FSTL5: variants seen among roughly 807,000 people sequenced by gnomAD.
FSTL5 encodes the protein follistatin like 5, also known as follistatin-related protein 5.
FSTL5 carries 62 observed loss-of-function variants against 89.1 expected under a neutral mutation model. That is an observed-to-expected ratio of 0.70 (90% CI 0.57 to 0.86). FSTL5 has a LOEUF of 0.86. Ranked by LOEUF, FSTL5 falls within the 40% of genes least tolerant of loss-of-function variation. FSTL5 has a pLI of 0.00. For synonymous variants in FSTL5, 383 were observed against 346.2 expected (o/e 1.11, Z -1.18); for missense variants, 1,057 against 1,001.6 (o/e 1.06, Z -0.75).
intron 4 of FSTL5, among the ~76,000 whole-genome samples, chr4:161,796,411 T>G (rs1002430740): frequency 6.6e-6 from 1 of 151,808 alleles, no homozygotes; most frequent in African/African-American, 2.4e-5. Flanking sequence ...ATGTATAATA[T>G]GAAGGATATT....
At chr4:161,760,960 C>A (rs1740772306) in intron 5 of FSTL5, among the ~76,000 whole-genome samples, 1 of 152,172 alleles carries the variant, frequency 6.6e-6, no homozygotes, top group South Asian at 2.1e-4. Context: ...TCACTGGAGC[C>A]TCCAGCACCC....
In FSTL5 at chr4:162,000,768, T is replaced by C. The variant is rs148312295; in HGVS notation, c.160+32857A>G. On this transcript the variant is annotated intron_variant, in intron 3 of 15. Transcript: ENST00000306100. ...TATTACTAAAAGAAATGCTAGTATC[T>C]TCTGCAACAAGGTCATAATTATAAA... 5.9e-5 allele frequency among the ~76,000 whole-genome samples: 9 copies of C among 152,260 alleles called. No individual in the cohort carries two copies. The East Asian group carries it at 1.3e-3, about 23-fold the overall frequency.
chr4:161,786,620 AAG>A (rs1428846790), intron 4 of FSTL5, among the ~76,000 whole-genome samples: 1 of 152,128 alleles, frequency 6.6e-6, no homozygotes, highest in Non-Finnish European at 1.5e-5. Context: ...CCCTCCAGAA[AAG>A]AGGATTACTC....
chr4:161,654,990 T>A (rs910175541), intron 7 of FSTL5, among the ~76,000 whole-genome samples: 14 of 152,154 alleles, frequency 9.2e-5, no homozygotes, highest in Non-Finnish European at 8.8e-5. Flanking sequence ...GAACTGAATT[T>A]AAATTCCAAA....
At chr4:161,758,925 G>A (rs1038129337) in intron 6 of FSTL5, among the ~76,000 whole-genome samples, 2 of 152,002 alleles carry the variant, frequency 1.3e-5, no homozygotes, top group Non-Finnish European at 2.9e-5. Context: ...GACACACTTC[G>A]GCAATTCAAA....
intron 2 of FSTL5, among the ~76,000 whole-genome samples, chr4:162,089,958 A>G (rs1165175430): frequency 6.6e-6 from 1 of 152,104 alleles, no homozygotes; most frequent in East Asian, 1.9e-4. Context: ...TTTCCATCCG[A>G]TCTTCAATAA....
intron 7 of FSTL5, among the ~76,000 whole-genome samples, chr4:161,597,864 G>C (rs1256607481): frequency 1.3e-5 from 2 of 152,056 alleles, no homozygotes; most frequent in Non-Finnish European, 2.9e-5. Context: ...AATGAGAATA[G>C]TGGTATTTGT....
rs192235232 is a variant in FSTL5, at chr4:161,671,347, G to T, written c.728-14853C>A. On this transcript the variant is annotated intron_variant, in intron 6 of 15. Transcript: ENST00000306100. ...CACCTGTTTTTGAAAATAAAGTTGTGTTGGAACACAGCCATACCCGTTTCT... is the reference window on the plus strand; with the variant it reads ...CACCTGTTTTTGAAAATAAAGTTGTTTTGGAACACAGCCATACCCGTTTCT... Among the ~76,000 whole-genome samples the T allele has an allele frequency of 1.1e-3, 171 of 152,244 alleles. 2 individuals carry two copies. The East Asian group carries it at 0.021, about 19-fold the overall frequency.
intron 15 of FSTL5, among the ~76,000 whole-genome samples, chr4:161,423,534 T>A (rs549287000): frequency 5.3e-5 from 8 of 152,312 alleles, no homozygotes; most frequent in Non-Finnish European, 1.0e-4. Flanking sequence ...TCATATCTTT[T>A]ATTTTTTTGG....
At chr4:161,608,534 A>G (rs542173356) in intron 7 of FSTL5, among the ~76,000 whole-genome samples, 43 of 152,186 alleles carry the variant, frequency 2.8e-4, no homozygotes, top group African/African-American at 1.0e-3. Context: ...AAAAAGAGTA[A>G]TTGCAAATAA....
chr4:161,699,654 T>C (rs1334995482), intron 6 of FSTL5, among the ~76,000 whole-genome samples: 2 of 152,234 alleles, frequency 1.3e-5, no homozygotes, highest in Non-Finnish European at 2.9e-5. Context: ...TGCCATTTTC[T>C]AATTGGGCAT....
intron 9 of FSTL5, 42 bp downstream of exon 9, chr4:161,542,490 C>G: frequency 7.8e-7 from 1 of 1,276,362 alleles, no homozygotes; most frequent in Non-Finnish European, 1.0e-6. Flanking sequence ...TATAAATTTT[C>G]AACATGGTCA....
chr4:162,019,143 C>T (rs912312099), intron 3 of FSTL5, among the ~76,000 whole-genome samples: 4 of 152,054 alleles, frequency 2.6e-5, no homozygotes, highest in African/African-American at 4.8e-5. Context: ...ATACAGCACA[C>T]ATTTTTTCCA....
At chr4:161,517,931 A>G (rs1172161643) in intron 10 of FSTL5, among the ~76,000 whole-genome samples, 1 of 152,232 alleles carries the variant, frequency 6.6e-6, no homozygotes, top group East Asian at 1.9e-4. Flanking sequence ...AAATGTGGAT[A>G]AAGTGTAATC....
chr4:161,437,789 A>C (rs1253924512), intron 15 of FSTL5, among the ~76,000 whole-genome samples: 1 of 152,048 alleles, frequency 6.6e-6, no homozygotes, highest in Non-Finnish European at 1.5e-5. Context: ...TGGTGGATGG[A>C]TTTTCCACAT....
intron 4 of FSTL5, among the ~76,000 whole-genome samples, chr4:161,842,100 T>C (rs1170094391): frequency 6.6e-6 from 1 of 152,138 alleles, no homozygotes; most frequent in South Asian, 2.1e-4. Context: ...GTGGCTAAAT[T>C]TGAACTGAAA....
intron 4 of FSTL5, among the ~76,000 whole-genome samples, chr4:161,831,005 A>G (rs914251945): frequency 6.6e-6 from 1 of 151,868 alleles, no homozygotes; most frequent in African/African-American, 2.4e-5. Context: ...TCACAACTCA[A>G]ATGTTCTCCT....
intron 7 of FSTL5, among the ~76,000 whole-genome samples, chr4:161,602,897 A>G (rs936889665): frequency 6.6e-6 from 1 of 152,204 alleles, no homozygotes; most frequent in African/African-American, 2.4e-5. Context: ...GCATTGTAAG[A>G]AATCCTACAG....
At chr4:161,476,173 G>GGTT (rs1309725557) in intron 13 of FSTL5, among the ~76,000 whole-genome samples, 3 of 80,490 alleles carry the variant, frequency 3.7e-5, no homozygotes, top group South Asian at 5.2e-4. Context: ...AAGTTTGCTG[G>GGTT]TTTTTTTTTT....
Sources: allele counts gnomAD v4.1 joint callset (sites outside exome capture counted in the v4.1 genomes callset), GRCh38; gene constraint gnomAD v4.1.1; transcripts MANE v1.5; gene names NCBI Gene and HGNC (gene_info 2026-07-23, HGNC 2026-07-21).